Variants in SIPA1L2 observed in about 807,000 individuals in gnomAD.
The protein encoded by SIPA1L2 is signal-induced proliferation-associated 1-like protein 2.
Under a neutral mutation model 163.9 loss-of-function variants are expected in SIPA1L2, and 56 were observed. The ratio of observed to expected loss-of-function variants is 0.34; its 90% CI spans 0.28 to 0.43. The LOEUF is 0.43. Among genes scored for constraint, SIPA1L2 ranks in the 20% least tolerant of loss-of-function variants. The pLI, the probability that SIPA1L2 is intolerant of heterozygous loss-of-function variation, is 1.00. For missense variants in SIPA1L2, 1,974 were observed against 2,193.5 expected (o/e 0.90, Z 2.00); for synonymous variants, 877 against 865.7 (o/e 1.01, Z -0.23).
intron 3 of SIPA1L2, among the ~76,000 whole-genome samples, chr1:232,500,370 A>G (rs2103015263): frequency 6.6e-6 from 1 of 152,308 alleles, no homozygotes; most frequent in South Asian, 2.1e-4. Context: ...GATTCATCTG[A>G]TGGATTTGGG....
intron 1 of SIPA1L2, among the ~76,000 whole-genome samples, chr1:232,595,444 G>GTGCTGGGCTGTCAC (rs570231199): frequency 6.6e-6 from 1 of 152,194 alleles, no homozygotes; most frequent in African/African-American, 2.4e-5. Context: ...ACCACCCTTT[G>GTGCTGGGCTGTCAC]TGCTGGGCTG....
chr1:232,513,870 G>A lies in SIPA1L2; in HGVS notation c.1470C>T (p.Phe490=), dbSNP rs751871566. The A allele has an allele frequency of 1.9e-6, 3 of 1,571,002 alleles. No individual in the cohort carries two copies. The highest frequency in any genetic ancestry group is 1.7e-6 in the Non-Finnish European group (2 of 1,162,240). The change falls in exon 3 of 23, where the codon TTC becomes TTT. Residue 490 remains phenylalanine, a synonymous_variant. Transcript: ENST00000674635. ...GCTCTTCCTTACCTTTCCCATAGAA[G>A]AATTTGCGGTAATAATAGGCCCCAA... ...IDLGAYYYRK[F]FYGKEHQNYF... is the part of the protein sequence containing the mutation.
intron 7 of SIPA1L2, among the ~76,000 whole-genome samples, chr1:232,472,368 C>T (rs1264165640): frequency 3.3e-5 from 5 of 152,188 alleles, no homozygotes; most frequent in Non-Finnish European, 7.3e-5. Context: ...TCATAACCTT[C>T]ATGAGGGCAC....
intron 2 of SIPA1L2, among the ~76,000 whole-genome samples, chr1:232,533,956 A>T (rs183215165): frequency 9.2e-5 from 14 of 152,348 alleles, no homozygotes; most frequent in African/African-American, 3.1e-4. Context: ...TAAAATGTCA[A>T]TGCTATGCAA....
chr1:232,459,481 T>C (rs1194848405), intron 10 of SIPA1L2, among the ~76,000 whole-genome samples: 1 of 152,214 alleles, frequency 6.6e-6, no homozygotes, highest in Non-Finnish European at 1.5e-5. Flanking sequence ...TTTTTTCATA[T>C]GAAAGAAATT....
chr1:232,515,357 C>A lies in SIPA1L2; in HGVS notation c.-18G>T. On this transcript the variant is annotated 5_prime_UTR_variant, in exon 3 of 23. The change creates a new upstream start codon in the 5' untranslated region. Transcript: ENST00000674635. ...TCACTCATGTCTACCGAGGAAGAGC[C>A]TCCAAGTCTCACCAGGAAGACTGAT... The A allele has an allele frequency of 6.4e-7, 1 of 1,552,422 alleles. No homozygotes were observed. Among genetic ancestry groups the A allele is most frequent in the Middle Eastern group, 1.7e-4 (1 of 5,766 alleles).
chr1:232,597,609 G>A (rs1661337613), intron 1 of SIPA1L2, among the ~76,000 whole-genome samples: 1 of 144,288 alleles, frequency 6.9e-6, no homozygotes. Context: ...AGAATGGCAT[G>A]AACCCAGGAG....
chr1:232,426,886 T>C (rs1047497543), intron 17 of SIPA1L2, among the ~76,000 whole-genome samples: 3 of 152,168 alleles, frequency 2.0e-5, no homozygotes, highest in African/African-American at 7.2e-5. Context: ...CCACAATCCT[T>C]TTAGGTAAAC....
At chr1:232,564,477 C>A (rs971486819) in intron 2 of SIPA1L2, among the ~76,000 whole-genome samples, 10 of 151,728 alleles carry the variant, frequency 6.6e-5, no homozygotes, top group Non-Finnish European at 4.4e-5. Flanking sequence ...ATGAAGCCTG[C>A]CTGCAAGGGA....
At chr1:232,420,502 C>T (rs2102795822) in intron 18 of SIPA1L2, among the ~76,000 whole-genome samples, 1 of 152,240 alleles carries the variant, frequency 6.6e-6, no homozygotes, top group South Asian at 2.1e-4. Flanking sequence ...ATCCAGCTCT[C>T]CCAAGCCTCA....
chr1:232,558,211 A>C, intron 2 of SIPA1L2, among the ~76,000 whole-genome samples: 1 of 152,194 alleles, frequency 6.6e-6, no homozygotes, highest in Non-Finnish European at 1.5e-5. Flanking sequence ...CTGTATCCTA[A>C]TTAATGGCAA....
At chr1:232,628,753 C>T (rs1382629866) in intron 1 of SIPA1L2, among the ~76,000 whole-genome samples, 1 of 152,084 alleles carries the variant, frequency 6.6e-6, no homozygotes, top group African/African-American at 2.4e-5. Context: ...AAACGCGACT[C>T]AAATGGGCAG....
In SIPA1L2 at chr1:232,415,526, G is replaced by A. The variant is rs530418447; in HGVS notation, c.4730C>T (p.Thr1577Ile). Residue 1577 changes from threonine to isoleucine, a missense_variant, in exon 19 of 23, where the codon ACC (threonine) becomes ATC (isoleucine). By Grantham distance (89) the Thr-to-Ile change is moderately conservative. This residue lies in a region of SIPA1L2 where 1,079 missense variants were observed against 1,150.7 expected (regional missense o/e 0.94). Transcript: ENST00000674635. ...LPDTATGLDW[T>I]HLVDAARAFE... ...TGCCCGTGCAGCATCCACGAGGTGG[G>A]TCCAATCTAACCCTGTGGCTGTGTC... 3 of 1,613,244 alleles carry A rather than the reference G, an allele frequency of 1.9e-6. No homozygotes were observed. Among genetic ancestry groups the A allele is most frequent in the South Asian group, 1.1e-5 (1 of 90,864 alleles).
chr1:232,486,012 T>C (rs1572969358), intron 5 of SIPA1L2, among the ~76,000 whole-genome samples: 1 of 152,138 alleles, frequency 6.6e-6, no homozygotes, highest in African/African-American at 2.4e-5. Context: ...CCTGAGACCA[T>C]TGCCAGTGCC....
At chr1:232,494,071 A>G (rs1024077134) in intron 3 of SIPA1L2, among the ~76,000 whole-genome samples, 2 of 152,240 alleles carry the variant, frequency 1.3e-5, no homozygotes, top group African/African-American at 4.8e-5. Context: ...TGAGGGCACC[A>G]GAGATGACCT....
intron 12 of SIPA1L2, among the ~76,000 whole-genome samples, chr1:232,442,133 C>A (rs1484263357): frequency 6.6e-6 from 1 of 152,026 alleles, no homozygotes; most frequent in Non-Finnish European, 1.5e-5. Flanking sequence ...CTGCTGACAC[C>A]AGGAGGTTGA....
intron 1 of SIPA1L2, among the ~76,000 whole-genome samples, chr1:232,606,377 C>T (rs1661920556): frequency 6.6e-6 from 1 of 151,998 alleles, no homozygotes; most frequent in South Asian, 2.1e-4. Flanking sequence ...TACCAAAGGG[C>T]CGGCAATTAT....
At chr1:232,538,564 C>T (rs1657451124) in intron 2 of SIPA1L2, among the ~76,000 whole-genome samples, 1 of 152,094 alleles carries the variant, frequency 6.6e-6, no homozygotes, top group Admixed American at 6.5e-5. Context: ...ACTCAAATGG[C>T]CTATGTAAAA....
chr1:232,592,549 A>G (rs1389920144), intron 1 of SIPA1L2, among the ~76,000 whole-genome samples: 1 of 152,232 alleles, frequency 6.6e-6, no homozygotes, highest in Admixed American at 6.5e-5. Context: ...AAACTGATTT[A>G]TCATGTAGTC....
Sources: gnomAD v4.1 joint callset for allele counts (sites outside exome capture counted in the v4.1 genomes callset) on GRCh38, gnomAD v4.1.1 for gene constraint, gnomAD v4.1.1 regional missense constraint, MANE v1.5 for transcripts, NCBI Gene and HGNC (gene_info 2026-07-23, HGNC 2026-07-21) for gene names.